Variants in HM13 observed in about 807,000 individuals in gnomAD.
HM13 encodes histocompatibility minor 13.
A neutral mutation model predicts 50.0 loss-of-function variants in HM13; 18 were observed. The observed-to-expected ratio is 0.36, with a 90% confidence interval of 0.25 to 0.53. The LOEUF (loss-of-function observed/expected upper bound fraction) is 0.53, where lower values mean the gene tolerates loss of function less well. Among genes scored for constraint, HM13 ranks in the 20% least tolerant of loss-of-function variants. The pLI, the probability that HM13 is intolerant of heterozygous loss-of-function variation, is 0.90. For synonymous variants in HM13, 197 were observed against 232.6 expected, an observed-to-expected ratio of 0.85 and a Z score of 1.39; for missense variants, 393 against 552.4, an observed-to-expected ratio of 0.71 and a Z score of 2.89.
At chr20:31,567,189 TG>T (rs1984972873) in intron 11 of HM13, among the ~76,000 whole-genome samples, 1 of 152,150 alleles carries the variant, frequency 6.6e-6, no homozygotes, top group Non-Finnish European at 1.5e-5. Flanking sequence ...CTGAGGCAAG[TG>T]GGGGCTAGGG....
chr20:31,530,184 T>C (rs1392538239), intron 2 of HM13, among the ~76,000 whole-genome samples: 1 of 151,910 alleles, frequency 6.6e-6, no homozygotes, highest in African/African-American at 2.4e-5. Context: ...AAAAATTTGT[T>C]GCCAGCCTAG....
rs1379905361 is a variant in HM13, at chr20:31,554,782, A to G, written c.761A>G (p.Glu254Gly). 2.5e-6 allele frequency: 4 copies of G among 1,614,168 alleles called. No individual in the cohort carries two copies. Among genetic ancestry groups the G allele is most frequent in the Non-Finnish European group, 3.4e-6 (4 of 1,180,024 alleles). Reference protein sequence around the residue: ...FPQDLLEKGLEANNFAMLGLG... With the variant: ...FPQDLLEKGLGANNFAMLGLG... ...CAGGATCTGCTGGAGAAAGGCCTCG[A>G]AGCAAACAACTTTGCCATGCTGGGA... Residue 254 changes from glutamate (E) to glycine (G), a missense_variant, in exon 8 of 13, where the codon GAA becomes GGA. Transcript: ENST00000398174.
At chr20:31,548,110 T>G (rs1983824251) in intron 4 of HM13, 1 of 1,115,620 alleles carries the variant, frequency 9.0e-7, no homozygotes. Flanking sequence ...GTATGTGTGT[T>G]TGTGTCTGTG....
chr20:31,515,572 A>T (rs1248210704), intron 1 of HM13, among the ~76,000 whole-genome samples: 1 of 151,466 alleles, frequency 6.6e-6, no homozygotes, highest in East Asian at 1.9e-4. Context: ...TACCCCCAAG[A>T]CAATCCCCCC....
chr20:31,519,473 G>C (rs553315350), intron 1 of HM13, among the ~76,000 whole-genome samples: 13 of 152,170 alleles, frequency 8.5e-5, no homozygotes, highest in South Asian at 2.1e-4. Flanking sequence ...AGTACATAGG[G>C]GGTGGGTGTG....
chr20:31,537,123 C>T (rs6088503), intron 2 of HM13, among the ~76,000 whole-genome samples: 2 of 152,204 alleles, frequency 1.3e-5, no homozygotes, highest in Non-Finnish European at 2.9e-5. Flanking sequence ...TAAGGGTGGC[C>T]TCAGTGAAGA....
In HM13 at chr20:31,554,882, G is replaced by A. The variant is rs181552010; in HGVS notation, c.808+53G>A. The A allele has an allele frequency of 5.1e-5, 70 of 1,361,936 alleles. No individual in the cohort carries two copies. The Middle Eastern group carries it at 1.1e-3, about 21-fold the overall frequency. The allele number at this position is 1,361,936 out of a possible 1,614,324, so 84.4% of individuals were successfully genotyped here. A position where few individuals can be genotyped will look rare whatever the true frequency, so the allele number is the denominator to read the frequency against. On this transcript the variant is annotated intron_variant, in intron 8 of 12. Coordinates refer to ENST00000398174, the MANE Select transcript of HM13 (RefSeq NM_178581.3). ...GAAAGGGGTGGAGAGGGTATTCCCC[G>A]GAGCAAGGGGATTACTGCTAAACAG...
chr20:31,553,758 A>G (rs1159356792), intron 7 of HM13, among the ~76,000 whole-genome samples: 1 of 152,060 alleles, frequency 6.6e-6, no homozygotes, highest in Non-Finnish European at 1.5e-5. Flanking sequence ...GTCCAGCAAG[A>G]TTTCTGAGTG....
intron 1 of HM13, among the ~76,000 whole-genome samples, chr20:31,516,278 A>T (rs1297400610): frequency 6.6e-6 from 1 of 152,174 alleles, no homozygotes; most frequent in Non-Finnish European, 1.5e-5. Context: ...CAAACTGAGT[A>T]ATTCTCCCTG....
At chr20:31,555,723 C>T (rs1318243569) in intron 8 of HM13, among the ~76,000 whole-genome samples, 1 of 151,806 alleles carries the variant, frequency 6.6e-6, no homozygotes, top group Admixed American at 6.6e-5. Context: ...AATTCCAACA[C>T]TTTGGGAAGC....
chr20:31,566,288 A>G lies in HM13; in HGVS notation c.1027A>G (p.Met343Val). 1.9e-6 allele frequency: 3 copies of G among 1,613,794 alleles called. No homozygotes were observed. The highest frequency in any genetic ancestry group is 2.5e-6 in the Non-Finnish European group (3 of 1,179,776). Residue 343 changes from methionine (M) to valine (V), a missense_variant, in exon 11 of 13, where the codon ATG becomes GTG. By Grantham distance (21) the Met-to-Val change is conservative. This residue lies in a region of HM13 where 105 missense variants were observed against 115.9 expected (regional missense o/e 0.91). Coordinates refer to ENST00000398174, the MANE Select transcript of HM13 (RefSeq NM_178581.3). ...VALAKGEVTE[M>V]FSYESSAEIL... Reference sequence around the variant, plus strand: ...GCTGGCCAAGGGAGAAGTGACAGAGATGTTCAGGTAAGGCAGAGTGGGGGG... The same window carrying G: ...GCTGGCCAAGGGAGAAGTGACAGAGGTGTTCAGGTAAGGCAGAGTGGGGGG...
chr20:31,550,372 A>G (rs1434414303), intron 7 of HM13: 4 of 508,416 alleles, frequency 7.9e-6, no homozygotes, highest in African/African-American at 5.8e-5. Context: ...GCGAGCATGG[A>G]GGGGAAGTGT....
At chr20:31,549,412 C>T in intron 6 of HM13, 80 bp downstream of exon 6, 2 of 1,579,856 alleles carry the variant, frequency 1.3e-6, no homozygotes, top group African/African-American at 1.3e-5. Context: ...GCCCAAGTTG[C>T]AGTCATCTGA....
At position 31,556,176 on chromosome 20, in the gene HM13, TTATAGGCATGCACC is replaced by T. The variant is rs1223989885; in HGVS notation, c.808+1348_808+1361del. On this transcript the variant is annotated intron_variant, in intron 8 of 12. Transcript: ENST00000398174. Reference sequence around the variant, plus strand: ...GCCTCAGCCTCCCAAGTAGCTGGGATTATAGGCATGCACCACCACGCCCGGCTGATTTTGTATAT... The same window carrying T: ...GCCTCAGCCTCCCAAGTAGCTGGGATACCACGCCCGGCTGATTTTGTATAT... Among the ~76,000 whole-genome samples, 133 of 151,854 alleles carry T rather than the reference TTATAGGCATGCACC, an allele frequency of 8.8e-4. 2 individuals carry two copies. Among genetic ancestry groups the T allele is most frequent in the African/African-American group, 3.1e-3 (129 of 41,438 alleles).
At chr20:31,529,149 G>A (rs575796845) in intron 2 of HM13, among the ~76,000 whole-genome samples, 22 of 152,300 alleles carry the variant, frequency 1.4e-4, no homozygotes, top group African/African-American at 5.1e-4. Context: ...TTTAGAGACA[G>A]GGTTTTACTA....
chr20:31,517,401 C>T (rs949458826), intron 1 of HM13, among the ~76,000 whole-genome samples: 6 of 152,156 alleles, frequency 3.9e-5, no homozygotes, highest in Non-Finnish European at 5.9e-5. Context: ...AGTAGCTGCA[C>T]ATTAAACATT....
intron 3 of HM13, among the ~76,000 whole-genome samples, chr20:31,542,497 A>C (rs142732371): frequency 1.6e-3 from 246 of 152,320 alleles, no homozygotes; most frequent in African/African-American, 5.2e-3. Context: ...TGAGCCATCA[A>C]GGGCCAGGAA....
intron 3 of HM13, among the ~76,000 whole-genome samples, chr20:31,542,759 CAGTTA>C (rs1983518225): frequency 6.6e-6 from 1 of 152,140 alleles, no homozygotes; most frequent in South Asian, 2.1e-4. Flanking sequence ...GTTGAAGCTG[CAGTTA>C]AGTTTATAGG....
chr20:31,550,378 A>G (rs1005914885), intron 7 of HM13: 1 of 500,512 alleles, frequency 2.0e-6, no homozygotes, highest in Non-Finnish European at 3.6e-6. Context: ...ATGGAGGGGA[A>G]GTGTTTAACC....
Sources: allele counts gnomAD v4.1 joint callset (sites outside exome capture counted in the v4.1 genomes callset), GRCh38; gene constraint gnomAD v4.1.1; regional missense constraint gnomAD v4.1.1; transcripts MANE v1.5; gene names NCBI Gene and HGNC (gene_info 2026-07-23, HGNC 2026-07-21).